Variants in TNR observed in about 807,000 individuals in gnomAD.
TNR encodes tenascin-R.
In TNR, 45 loss-of-function variants were observed where a neutral mutation model predicts 150.4. That is an observed-to-expected ratio of 0.30 (90% CI 0.24 to 0.38). The LOEUF (loss-of-function observed/expected upper bound fraction) is 0.38. Ranked by LOEUF, TNR falls within the 10% of genes least tolerant of loss-of-function variation. The pLI is 1.00. For synonymous variants in TNR, 687 were observed against 678.4 expected (o/e 1.01, Z -0.20); for missense variants, 1,544 against 1,759.1 (o/e 0.88, Z 2.19).
At chr1:175,604,032 T>A (rs1242374294) in intron 1 of TNR, among the ~76,000 whole-genome samples, 2 of 151,612 alleles carry the variant, frequency 1.3e-5, no homozygotes, top group East Asian at 3.9e-4. Flanking sequence ...TGAAGACCCA[T>A]CAGACCCTGA....
intron 1 of TNR, among the ~76,000 whole-genome samples, chr1:175,625,705 G>C (rs1664130230): frequency 6.6e-6 from 1 of 152,170 alleles, no homozygotes; most frequent in African/African-American, 2.4e-5. Flanking sequence ...TGCAGAAGTT[G>C]ATTGCAACAG....
intron 20 of TNR, among the ~76,000 whole-genome samples, chr1:175,331,169 CCT>C (rs1649891511): frequency 4.9e-5 from 2 of 41,208 alleles, no homozygotes; most frequent in Non-Finnish European, 1.0e-4. Context: ...TTCTTTCCTT[CCT>C]TCCTTCCTTC....
At position 175,321,155 on chromosome 1, in the gene TNR, G is replaced by A. The variant is rs1305757803; in HGVS notation, c.*2202C>T. ...TCTGTAATTTACATGCTTGTTGAAA[G>A]GATCTGTTTCTGTTTTTTCCTCCTC... On this transcript the variant is annotated 3_prime_UTR_variant, in exon 23 of 23. Coordinates refer to ENST00000367674, the MANE Select transcript of TNR (RefSeq NM_003285.3). 6.6e-6 allele frequency: 1 copy of A among 152,168 alleles called. No homozygotes were observed. Among genetic ancestry groups the A allele is most frequent in the African/African-American group, 2.4e-5 (1 of 41,442 alleles). 9.4% of individuals were successfully genotyped at this position (152,168 alleles called of 1,614,324 possible).
rs1038455298 is a variant in TNR, at chr1:175,622,124, T to C, written c.-164-93755A>G. ...AAATGTTAGGTATTATTGTTATACATTTCTGTATCTTACATATTGAATGTA... is the reference window on the plus strand; with the variant it reads ...AAATGTTAGGTATTATTGTTATACACTTCTGTATCTTACATATTGAATGTA... On this transcript the variant is annotated intron_variant, in intron 1 of 22. Transcript: ENST00000367674. Among the ~76,000 whole-genome samples the C allele has an allele frequency of 3.3e-5, 5 of 152,384 alleles. No individual in the cohort carries two copies. The East Asian group carries it at 9.6e-4, about 29-fold the overall frequency.
At chr1:175,589,390 A>G (rs560094570) in intron 1 of TNR, among the ~76,000 whole-genome samples, 23 of 152,304 alleles carry the variant, frequency 1.5e-4, no homozygotes, top group African/African-American at 5.5e-4. Context: ...AAATATGGAC[A>G]CTTTGGATAA....
intron 1 of TNR, among the ~76,000 whole-genome samples, chr1:175,560,539 A>G (rs1661382117): frequency 6.6e-6 from 1 of 152,228 alleles, no homozygotes; most frequent in Non-Finnish European, 1.5e-5. Context: ...GGAATATGGA[A>G]ATGGGATTCC....
intron 1 of TNR, among the ~76,000 whole-genome samples, chr1:175,567,421 G>A (rs1478454168): frequency 2.0e-5 from 3 of 152,148 alleles, no homozygotes; most frequent in African/African-American, 4.8e-5. Context: ...AGGAGGCCAC[G>A]GAGGACTGTG....
chr1:175,555,429 T>A (rs1236053422), intron 1 of TNR, among the ~76,000 whole-genome samples: 12 of 151,030 alleles, frequency 7.9e-5, no homozygotes, highest in Admixed American at 7.9e-4. Flanking sequence ...GGGCTGCCCC[T>A]CTATTCCAGA....
At chr1:175,666,425 C>T (rs1263633991) in intron 1 of TNR, among the ~76,000 whole-genome samples, 1 of 152,208 alleles carries the variant, frequency 6.6e-6, no homozygotes, top group East Asian at 1.9e-4. Flanking sequence ...GAGCTCCAGG[C>T]CAGCCTCAGG....
At chr1:175,432,095 G>A (rs1655300282) in intron 2 of TNR, among the ~76,000 whole-genome samples, 1 of 152,152 alleles carries the variant, frequency 6.6e-6, no homozygotes, top group South Asian at 2.1e-4. Flanking sequence ...CTGACTGGGA[G>A]TGTTGAAGCA....
intron 1 of TNR, among the ~76,000 whole-genome samples, chr1:175,578,128 T>C (rs1484876496): frequency 6.6e-6 from 1 of 152,144 alleles, no homozygotes. Context: ...TCTGTAGTTG[T>C]GTGTGCCTGG....
chr1:175,429,062 C>T (rs968753221), intron 2 of TNR, among the ~76,000 whole-genome samples: 5 of 152,098 alleles, frequency 3.3e-5, no homozygotes, highest in African/African-American at 9.7e-5. Context: ...TAGCTCAGTC[C>T]TCAGAAGGAT....
chr1:175,641,253 C>T (rs926034614), intron 1 of TNR, among the ~76,000 whole-genome samples: 3 of 151,988 alleles, frequency 2.0e-5, no homozygotes, highest in Non-Finnish European at 4.4e-5. Flanking sequence ...CATTTAATTT[C>T]AAGCTTTTTA....
chr1:175,693,721 T>G (rs945793093), intron 1 of TNR, among the ~76,000 whole-genome samples: 1 of 152,206 alleles, frequency 6.6e-6, no homozygotes, highest in African/African-American at 2.4e-5. Flanking sequence ...CCCAACACCC[T>G]GAATGCGCCC....
At chr1:175,591,416 G>A (rs926179582) in intron 1 of TNR, among the ~76,000 whole-genome samples, 3 of 152,208 alleles carry the variant, frequency 2.0e-5, no homozygotes, top group African/African-American at 7.2e-5. Flanking sequence ...GGAAACTAGT[G>A]CTTCAATTGC....
intron 1 of TNR, among the ~76,000 whole-genome samples, chr1:175,700,206 C>A (rs1043535909): frequency 1.3e-5 from 2 of 151,778 alleles, no homozygotes; most frequent in African/African-American, 4.8e-5. Flanking sequence ...CAGAGGAGTC[C>A]CTGTCCCAGG....
At chr1:175,546,033 C>A (rs893989180) in intron 1 of TNR, among the ~76,000 whole-genome samples, 1 of 152,076 alleles carries the variant, frequency 6.6e-6, no homozygotes. Flanking sequence ...TTTGGGGTAC[C>A]AAGTTGGTTT....
In TNR at chr1:175,470,571, G is replaced by A. The variant is rs970237239; in HGVS notation, c.-64+57698C>T. On this transcript the variant is annotated intron_variant, in intron 2 of 22. Coordinates refer to ENST00000367674, the MANE Select transcript of TNR (RefSeq NM_003285.3). ...ATTTATGGGGCACATGAAATATTTT[G>A]ACACAGGCATGCAATGTGAAATAAG... Among the ~76,000 whole-genome samples the A allele has an allele frequency of 2.0e-5, 3 of 152,150 alleles. No homozygotes were observed. In the South Asian group the frequency reaches 6.2e-4, roughly 32 times the overall value.
At chr1:175,443,885 A>AGGGGT (rs1655911120) in intron 2 of TNR, among the ~76,000 whole-genome samples, 1 of 152,208 alleles carries the variant, frequency 6.6e-6, no homozygotes, top group Admixed American at 6.5e-5. Context: ...GTCCCTACAA[A>AGGGGT]TGCTCTGGTT....
Sources: allele counts gnomAD v4.1 joint callset (sites outside exome capture counted in the v4.1 genomes callset), GRCh38; gene constraint gnomAD v4.1.1; transcripts MANE v1.5; gene names NCBI Gene and HGNC (gene_info 2026-07-23, HGNC 2026-07-21).